Variants in NPIPB2 observed in about 807,000 individuals in gnomAD.
NPIPB2 encodes nuclear pore complex interacting protein family member B2, also known as nuclear pore complex-interacting protein family member B2.
NPIPB2 carries 27 observed loss-of-function variants against 30.8 expected under a neutral mutation model. The ratio of observed to expected loss-of-function variants is 0.88; its 90% CI spans 0.65 to 1.21. NPIPB2 has a LOEUF of 1.21. Ranked by LOEUF, NPIPB2 falls within the 50% of genes most tolerant of loss-of-function variation. NPIPB2 has a pLI of 0.00. For missense variants in NPIPB2, 440 were observed against 446.2 expected (o/e 0.99, Z 0.13); for synonymous variants, 147 against 162.0 (o/e 0.91, Z 0.70).
chr16:11,942,001 T>A, exon 1 of NPIPB2: 1 of 1,284,470 alleles, frequency 7.8e-7, no homozygotes. Flanking sequence ...AGTGCCAGGT[T>A]TTACAGCCTC....
At chr16:11,940,093 G>T (rs2054917094) in intron 1 of NPIPB2, among the ~76,000 whole-genome samples, 1 of 55,354 alleles carries the variant, frequency 1.8e-5, no homozygotes, top group Non-Finnish European at 5.8e-5. Flanking sequence ...GTTCACGCCT[G>T]TAATCCCAAC....
intron 1 of NPIPB2, among the ~76,000 whole-genome samples, chr16:11,954,376 G>C (rs2055092611): frequency 6.6e-6 from 1 of 151,778 alleles, no homozygotes. Flanking sequence ...TACTGGGGAG[G>C]CTGAGGCAGA....
chr16:11,972,313 C>A (rs560820411), intron 1 of NPIPB2, among the ~76,000 whole-genome samples: 1 of 151,810 alleles, frequency 6.6e-6, no homozygotes. Context: ...CCGCGGCTCA[C>A]GCCCGTAATT....
At chr16:11,940,743 G>A (rs1295971566) in intron 1 of NPIPB2, among the ~76,000 whole-genome samples, 14 of 113,198 alleles carry the variant, frequency 1.2e-4, no homozygotes, top group African/African-American at 4.5e-4. Flanking sequence ...CTGGGCGACA[G>A]AGTGAGACTC....
intron 1 of NPIPB2, among the ~76,000 whole-genome samples, chr16:11,951,032 T>TAAATCAGGCTGCACACCTTTC (rs2055056741): frequency 6.6e-6 from 1 of 152,176 alleles, no homozygotes; most frequent in African/African-American, 2.4e-5. Flanking sequence ...GGTTTAGTTT[T>TAAATCAGGCTGCACACCTTTC]AAATCAGGCT....
intron 1 of NPIPB2, among the ~76,000 whole-genome samples, chr16:11,957,165 C>CT (rs34981281): frequency 0.057 from 6,832 of 118,918 alleles, 615 homozygotes; most frequent in African/African-American, 0.18. Context: ...CTAACTTTTT[C>CT]TTTTTTTTTT....
intron 1 of NPIPB2, among the ~76,000 whole-genome samples, chr16:11,947,864 GGGCTAGCATCAGTGCCC>G (rs1401274942): frequency 6.6e-6 from 1 of 151,256 alleles, no homozygotes; most frequent in Non-Finnish European, 1.5e-5. Context: ...ATGGAAGCTG[GGGCTAGCATCAGTGCCC>G]GTGAAGCATG....
At chr16:11,950,448 G>A (rs999447376) in intron 1 of NPIPB2, among the ~76,000 whole-genome samples, 1 of 152,116 alleles carries the variant, frequency 6.6e-6, no homozygotes, top group Non-Finnish European at 1.5e-5. Context: ...GAGGTTATAG[G>A]CCTGAACCAC....
intron 3 of NPIPB2, 56 bp from the exon 4 acceptor site, chr16:11,933,768 T>C: frequency 1.3e-6 from 2 of 1,595,550 alleles, no homozygotes; most frequent in Non-Finnish European, 1.7e-6. Context: ...GAAGCTGTTC[T>C]TTCCCTTTCC....
intron 1 of NPIPB2, among the ~76,000 whole-genome samples, chr16:11,958,549 G>A (rs1454396331): frequency 6.6e-6 from 1 of 152,012 alleles, no homozygotes; most frequent in Non-Finnish European, 1.5e-5. Flanking sequence ...GGGCAACACA[G>A]CAAGACCCCC....
upstream of NPIPB2, among the ~76,000 whole-genome samples, chr16:11,946,784 T>C (rs1352464078): frequency 2.0e-5 from 3 of 152,078 alleles, no homozygotes; most frequent in East Asian, 3.9e-4. Context: ...TATTCGTAGG[T>C]ATCTCTGACT....
chr16:11,975,141 C>CT (rs1195309022), intron 1 of NPIPB2, among the ~76,000 whole-genome samples: 11,447 of 38,282 alleles, frequency 0.3, 3,731 homozygotes, highest in Admixed American at 0.48. Context: ...AATCCATCAC[C>CT]TTTTTTTTTT....
intron 1 of NPIPB2, among the ~76,000 whole-genome samples, chr16:11,950,390 G>A (rs2055051377): frequency 1.3e-5 from 2 of 152,028 alleles, no homozygotes; most frequent in Non-Finnish European, 2.9e-5. Flanking sequence ...GACTGGTCTC[G>A]AACTCATGGG....
At chr16:11,975,502 G>A (rs1033651717) in intron 1 of NPIPB2, among the ~76,000 whole-genome samples, 1 of 151,832 alleles carries the variant, frequency 6.6e-6, no homozygotes, top group Non-Finnish European at 1.5e-5. Flanking sequence ...ACCATGTCTT[G>A]CCTGGACAAC....
chr16:11,964,320 C>G (rs1054062133), intron 1 of NPIPB2, among the ~76,000 whole-genome samples: 1 of 152,080 alleles, frequency 6.6e-6, no homozygotes, highest in African/African-American at 2.4e-5. Context: ...ATCTTCCTCT[C>G]AGCCCTCTTT....
intron 1 of NPIPB2, among the ~76,000 whole-genome samples, chr16:11,970,568 T>G (rs1482838489): frequency 6.6e-6 from 1 of 151,876 alleles, no homozygotes; most frequent in East Asian, 1.9e-4. Flanking sequence ...ACAGTTTCAC[T>G]CTTGTTGCCC....
chr16:11,938,940 GT>G (rs1394721985), intron 1 of NPIPB2, among the ~76,000 whole-genome samples: 1 of 151,664 alleles, frequency 6.6e-6, no homozygotes, highest in Non-Finnish European at 1.5e-5. Flanking sequence ...TAGAAACAGG[GT>G]TTCACCATCT....
intron 1 of NPIPB2, chr16:11,966,080 T>C (rs3916675): frequency 0.069 from 77,261 of 1,124,558 alleles, 4,510 homozygotes; most frequent in Admixed American, 0.24. Context: ...CACTGCACTC[T>C]AGCCTGGGCA....
At chr16:11,971,094 C>T (rs529298409) in intron 1 of NPIPB2, among the ~76,000 whole-genome samples, 38 of 141,380 alleles carry the variant, frequency 2.7e-4, no homozygotes, top group African/African-American at 5.5e-4. Flanking sequence ...TGGGCTCAAG[C>T]GATCCTCCGA....
Sources: allele counts gnomAD v4.1 joint callset (sites outside exome capture counted in the v4.1 genomes callset), GRCh38; gene constraint gnomAD v4.1.1; transcripts MANE v1.5; gene names NCBI Gene and HGNC (gene_info 2026-07-23, HGNC 2026-07-21).